Variants in C12orf60 observed in about 807,000 individuals in gnomAD.
C12orf60 encodes the protein chromosome 12 open reading frame 60.
For synonymous variants in C12orf60, 102 were observed against 94.6 expected (o/e 1.08, Z -0.45); for missense variants, 284 against 283.2 (o/e 1.00, Z -0.02).
At chr12:14,807,891 C>G (rs1157362854) in intron 1 of C12orf60, among the ~76,000 whole-genome samples, 1 of 152,136 alleles carries the variant, frequency 6.6e-6, no homozygotes, top group Non-Finnish European at 1.5e-5. Flanking sequence ...AGGGGCCGGG[C>G]ATGGTGGCTC....
At chr12:14,818,758 G>T (rs186399094) in intron 1 of C12orf60, among the ~76,000 whole-genome samples, 435 of 152,226 alleles carry the variant, frequency 2.9e-3, no homozygotes, top group Non-Finnish European at 4.4e-3. Context: ...ACGCCAGCCT[G>T]GTGACAGAGC....
In C12orf60 at chr12:14,823,678, G is replaced by A. The variant is rs1177475991; in HGVS notation, c.*5G>A. 10 of 1,536,556 alleles carry A rather than the reference G, an allele frequency of 6.5e-6. No individual in the cohort carries two copies. In the East Asian group the frequency reaches 2.3e-4, roughly 35 times the overall value. ...AAGAAAGCCAGTGACAAGTAGGGAT[G>A]CAACAGAAATGTTCATTTCTGTCAG... On this transcript the variant is annotated 3_prime_UTR_variant, in exon 2 of 2. Coordinates refer to ENST00000330828, the MANE Select transcript of C12orf60 (RefSeq NM_175874.4).
intron 1 of C12orf60, among the ~76,000 whole-genome samples, chr12:14,820,581 T>A (rs1027798739): frequency 3.3e-5 from 5 of 152,086 alleles, no homozygotes; most frequent in East Asian, 1.9e-4. Flanking sequence ...GACTTCTTTT[T>A]TGAGCCACAG....
chr12:14,813,649 A>G (rs1950174272), intron 1 of C12orf60, among the ~76,000 whole-genome samples: 1 of 152,200 alleles, frequency 6.6e-6, no homozygotes, highest in South Asian at 2.1e-4. Context: ...CACACAGCAA[A>G]TGCTCAGAGA....
intron 1 of C12orf60, among the ~76,000 whole-genome samples, chr12:14,822,317 GACA>G (rs746917116): frequency 5.3e-4 from 79 of 149,912 alleles, no homozygotes; most frequent in East Asian, 2.1e-3. Flanking sequence ...GAAGACAAAC[GACA>G]ACAACAACAA....
At chr12:14,806,615 G>T in intron 1 of C12orf60, 2 of 1,613,750 alleles carry the variant, frequency 1.2e-6, no homozygotes, top group Non-Finnish European at 1.7e-6. Flanking sequence ...GAAGCTGCTG[G>T]TGAAGACGAT....
chr12:14,806,651 C>G, intron 1 of C12orf60: 1 of 1,608,112 alleles, frequency 6.2e-7, no homozygotes, highest in Non-Finnish European at 8.5e-7. Flanking sequence ...TTTTTGGGTT[C>G]TCTGGGTAAA....
At chr12:14,811,924 G>A (rs1314950456) in intron 1 of C12orf60, among the ~76,000 whole-genome samples, 1 of 152,156 alleles carries the variant, frequency 6.6e-6, no homozygotes, top group Non-Finnish European at 1.5e-5. Context: ...GAAATTAAAA[G>A]TGAACGGTTT....
At chr12:14,807,525 T>G (rs1361292105) in intron 1 of C12orf60, among the ~76,000 whole-genome samples, 2 of 152,240 alleles carry the variant, frequency 1.3e-5, no homozygotes, top group African/African-American at 4.8e-5. Flanking sequence ...ACTTGGTTAT[T>G]TTAACTTAAA....
chr12:14,807,754 C>A (rs1049851553), intron 1 of C12orf60, among the ~76,000 whole-genome samples: 12 of 152,106 alleles, frequency 7.9e-5, no homozygotes, highest in Admixed American at 7.9e-4. Context: ...TGATTATTCT[C>A]CATTTGCAAA....
rs1950347961 is a variant in C12orf60 at position 14,824,408 on chromosome 12, T to C, written c.*735T>C. On this transcript the variant is annotated 3_prime_UTR_variant, in exon 2 of 2. Coordinates refer to ENST00000330828, the MANE Select transcript of C12orf60 (RefSeq NM_175874.4). ...TAAAGAAATGAGATAGGGCAGTCTC[T>C]TTGTCTACCATAAGTCTTTGGTTCT... is the stretch of plus-strand genomic sequence containing the variant. 6.6e-6 allele frequency: 1 copy of C among 152,242 alleles called. No individual in the cohort carries two copies. Among genetic ancestry groups the C allele is most frequent in the Admixed American group, 6.5e-5 (1 of 15,290 alleles). The allele number at this position is 152,242 out of a possible 1,614,324, so 9.4% of individuals were successfully genotyped here.
Position 14,824,395 on chromosome 12 carries a change from A to T in C12orf60, c.*722A>T, listed in dbSNP as rs1443758521. The stretch of plus-strand genomic sequence containing the variant: ...GATGTGCTTTATTTAAAGAAATGAG[A>T]TAGGGCAGTCTCTTTGTCTACCATA... On this transcript the variant is annotated 3_prime_UTR_variant, in exon 2 of 2. Coordinates refer to ENST00000330828, the MANE Select transcript of C12orf60 (RefSeq NM_175874.4). 1 of 152,252 alleles carries T rather than the reference A, an allele frequency of 6.6e-6. No individual in the cohort carries two copies. The highest frequency in any genetic ancestry group is 6.5e-5 in the Admixed American group (1 of 15,286). The allele number at this position is 152,252 out of a possible 1,614,324, so 9.4% of individuals were successfully genotyped here.
chr12:14,806,247 A>G, intron 1 of C12orf60: 2 of 1,614,214 alleles, frequency 1.2e-6, no homozygotes, highest in Non-Finnish European at 1.7e-6. Flanking sequence ...CAACTTGTTA[A>G]TTATGCCAGT....
intron 1 of C12orf60, among the ~76,000 whole-genome samples, chr12:14,812,654 TA>T (rs1273676436): frequency 6.6e-6 from 1 of 152,158 alleles, no homozygotes; most frequent in Non-Finnish European, 1.5e-5. Context: ...ATTAAATTTT[TA>T]TTACTTTTGA....
rs1565425461 is a variant in C12orf60 at position 14,823,860 on chromosome 12, C to G, written c.*187C>G. On this transcript the variant is annotated 3_prime_UTR_variant, in exon 2 of 2. Transcript: ENST00000330828. Reference sequence around the variant, plus strand: ...AAATAAAAAGAAATAATTAAGAAAGCCTGTTTGAAATGTCAGTCACTAAGA... The same window carrying G: ...AAATAAAAAGAAATAATTAAGAAAGGCTGTTTGAAATGTCAGTCACTAAGA... 4.4e-6 allele frequency: 2 copies of G among 459,746 alleles called. No homozygotes were observed. The highest frequency in any genetic ancestry group is 3.6e-5 in the East Asian group (1 of 27,648). 28.5% of individuals were successfully genotyped at this position (459,746 alleles called of 1,614,324 possible).
chr12:14,805,092 G>A (rs147022441), intron 1 of C12orf60: 51 of 151,486 alleles, frequency 3.4e-4, no homozygotes, highest in African/African-American at 1.2e-3. Context: ...CACCTAATGC[G>A]TCATGTAGCA....
At chr12:14,809,581 G>C (rs1046209434) in intron 1 of C12orf60, among the ~76,000 whole-genome samples, 1 of 152,006 alleles carries the variant, frequency 6.6e-6, no homozygotes, top group Non-Finnish European at 1.5e-5. Context: ...TTGAGTCATG[G>C]GCTAGACTTT....
chr12:14,813,995 T>C (rs1025592795), intron 1 of C12orf60: 5 of 152,226 alleles, frequency 3.3e-5, no homozygotes, highest in Admixed American at 2.0e-4. Context: ...GATCCTCTTA[T>C]AACAAAGCTG....
In C12orf60 at chr12:14,823,193, A is replaced by G. The variant is rs1236549689; in HGVS notation, c.258A>G (p.Leu86=). The stretch of plus-strand genomic sequence containing the variant: ...ATGACAAAATTCAAAAGGAGTCTTT[A>G]TGTTCCAAGGTTGCAATGGCCATGT... The part of the protein sequence containing the change: ...ARHDKIQKES[L]CSKVAMAMCS... The change falls in exon 2 of 2, where the codon TTA becomes TTG. Residue 86 remains leucine, a synonymous_variant. Transcript: ENST00000330828. 6.2e-7 allele frequency: 1 copy of G among 1,614,182 alleles called. No homozygotes were observed. Among genetic ancestry groups the G allele is most frequent in the Admixed American group, 1.7e-5 (1 of 60,028 alleles).
Sources: gnomAD v4.1 joint callset for allele counts (sites outside exome capture counted in the v4.1 genomes callset) on GRCh38, gnomAD v4.1.1 for gene constraint, MANE v1.5 for transcripts, NCBI Gene and HGNC (gene_info 2026-07-23, HGNC 2026-07-21) for gene names.